Variants in POM121 observed in about 807,000 individuals in gnomAD.
POM121 encodes POM121 transmembrane nucleoporin, also known as nuclear envelope pore membrane protein POM 121.
In POM121, 32 loss-of-function variants were observed where a neutral mutation model predicts 81.3. The ratio of observed to expected loss-of-function variants is 0.39; its 90% CI spans 0.30 to 0.53. The LOEUF is 0.53. Among genes scored for constraint, POM121 ranks in the 20% least tolerant of loss-of-function variants. The pLI, the probability that POM121 is intolerant of heterozygous loss-of-function variation, is 0.66. For missense variants in POM121, 1,138 were observed against 1,614.6 expected, an observed-to-expected ratio of 0.70 and a Z score of 5.06; for synonymous variants, 514 against 694.2, an observed-to-expected ratio of 0.74 and a Z score of 4.08.
At position 72,948,297 on chromosome 7, in the gene POM121, G is replaced by T. The variant is rs782262541; in HGVS notation, c.*2063G>T. Reference sequence around the variant, plus strand: ...TAAGAATAAAAAACTGTGATCTATCGTAGAGTACGTTCTGCATTTTATTTC... The same window carrying T: ...TAAGAATAAAAAACTGTGATCTATCTTAGAGTACGTTCTGCATTTTATTTC... On this transcript the variant is annotated 3_prime_UTR_variant, in exon 13 of 13. Coordinates refer to ENST00000434423, the MANE Select transcript of POM121 (RefSeq NM_001387691.1). The T allele has an allele frequency of 1.3e-6, 2 of 1,576,732 alleles. No homozygotes were observed. Among genetic ancestry groups the T allele is most frequent in the African/African-American group, 2.8e-5 (2 of 72,604 alleles).
At chr7:72,881,566 C>T (rs1321608565) in intron 1 of POM121, among the ~76,000 whole-genome samples, 1 of 151,422 alleles carries the variant, frequency 6.6e-6, no homozygotes, top group Admixed American at 6.6e-5. Context: ...AGTTTTCCTG[C>T]TTGTGTATAT....
chr7:72,943,952 A>G lies in POM121; in HGVS notation c.3529+430A>G, dbSNP rs1797400865. ...CTACTCAGGAGGCTGAGGCACAAGA[A>G]TGGTTTGAACCCAGGAGTTGGAGGT... On this transcript the variant is annotated intron_variant, in intron 11 of 12. Transcript: ENST00000434423. Among the ~76,000 whole-genome samples, 3 of 152,122 alleles carry G rather than the reference A, an allele frequency of 2.0e-5. No homozygotes were observed. The South Asian group carries it at 6.2e-4, about 32-fold the overall frequency.
intron 5 of POM121, among the ~76,000 whole-genome samples, chr7:72,933,031 G>A (rs1796171229): frequency 6.7e-6 from 1 of 149,942 alleles, no homozygotes; most frequent in African/African-American, 2.5e-5. Context: ...CAGCCTGGGC[G>A]ACAGAGTGAG....
intron 5 of POM121, among the ~76,000 whole-genome samples, chr7:72,937,568 C>T (rs1796632954): frequency 6.6e-6 from 1 of 152,144 alleles, no homozygotes; most frequent in South Asian, 2.1e-4. Context: ...TCTGAAGCTT[C>T]CTCTTTTCCC....
At chr7:72,886,401 T>A (rs1790723076) in intron 1 of POM121, among the ~76,000 whole-genome samples, 1 of 152,170 alleles carries the variant, frequency 6.6e-6, no homozygotes, top group Non-Finnish European at 1.5e-5. Flanking sequence ...CTCGAACTCC[T>A]GACCTCAGGT....
At chr7:72,912,038 C>A (rs1319955109) in intron 3 of POM121, among the ~76,000 whole-genome samples, 3 of 152,178 alleles carry the variant, frequency 2.0e-5, no homozygotes, top group Non-Finnish European at 4.4e-5. Context: ...ACTACAGGTT[C>A]ACGCTACCAT....
At chr7:72,923,173 A>G (rs751922010), upstream of POM121, among the ~76,000 whole-genome samples, 1 of 147,548 alleles carries the variant, frequency 6.8e-6, no homozygotes, top group Non-Finnish European at 1.5e-5. Context: ...TATTAAATAG[A>G]AGCAGAATTG....
At chr7:72,911,027 G>A (rs182892012) in intron 3 of POM121, among the ~76,000 whole-genome samples, 4 of 152,220 alleles carry the variant, frequency 2.6e-5, no homozygotes, top group South Asian at 4.1e-4. Context: ...GGCTATGTCC[G>A]CCAGGTTGGA....
intron 3 of POM121, among the ~76,000 whole-genome samples, chr7:72,901,895 C>G (rs1323366801): frequency 2.6e-5 from 4 of 151,732 alleles, no homozygotes; most frequent in African/African-American, 9.7e-5. Context: ...AGCAGATCAC[C>G]TGAGGTCAGG....
At chr7:72,929,841 C>G (rs531713453) in intron 4 of POM121, 99 bp from the exon 5 acceptor site, 6 of 1,428,166 alleles carry the variant, frequency 4.2e-6, no homozygotes, top group Admixed American at 5.4e-5. Context: ...GCATTATTCT[C>G]TTCCCTTCAT....
intron 1 of POM121, among the ~76,000 whole-genome samples, chr7:72,884,087 T>G (rs9768038): frequency 3.9e-5 from 6 of 152,226 alleles, no homozygotes; most frequent in East Asian, 1.9e-4. Flanking sequence ...TTAATTTTTA[T>G]TAGAGACAGG....
intron 5 of POM121, among the ~76,000 whole-genome samples, chr7:72,931,295 C>A (rs1187347547): frequency 6.6e-6 from 1 of 151,954 alleles, no homozygotes; most frequent in Non-Finnish European, 1.5e-5. Context: ...TGCTTTTTGC[C>A]CACCTTCCCA....
chr7:72,930,028 A>G lies in POM121; in HGVS notation c.1192A>G (p.Thr398Ala). 6.2e-7 allele frequency: 1 copy of G among 1,614,014 alleles called. No homozygotes were observed. Among genetic ancestry groups the G allele is most frequent in the East Asian group, 2.2e-5 (1 of 44,888 alleles). ...CCGAAGCTCTTCCATGAGCTCCTTG[A>G]CAGGCGCTTACGCAAGTGGCATCCC... ...RSRSSSMSSL[T>A]GAYASGIPSS... The change falls in exon 5 of 13, where the codon ACA becomes GCA. Residue 398 changes from threonine to alanine, a missense_variant. Around this residue, in one of 7 missense-constraint regions of POM121, gnomAD observed 646 missense variants for 633.5 expected, o/e 1.02. Transcript: ENST00000434423.
intron 3 of POM121, among the ~76,000 whole-genome samples, chr7:72,898,883 C>T (rs1417928939): frequency 6.8e-6 from 1 of 148,020 alleles, no homozygotes; most frequent in Non-Finnish European, 1.5e-5. Flanking sequence ...CCTGGGAAGG[C>T]GTTGTATAGT....
At position 72,946,380 on chromosome 7, in the gene POM121, C is replaced by T. The variant is rs1586197775; in HGVS notation, c.*146C>T. The stretch of plus-strand genomic sequence containing the variant: ...CAGCCGCCAGGGGGCAGTGGCAGCC[C>T]TGGGGCCCTTTCCCTTCTGGAGGAA... On this transcript the variant is annotated 3_prime_UTR_variant, in exon 13 of 13. Transcript: ENST00000434423. 1 of 1,438,698 alleles carries T rather than the reference C, an allele frequency of 7.0e-7. No individual in the cohort carries two copies. The allele number at this position is 1,438,698 out of a possible 1,614,324, so 89.1% of individuals were successfully genotyped here.
intron 3 of POM121, among the ~76,000 whole-genome samples, chr7:72,906,588 C>G (rs1401530118): frequency 6.6e-6 from 1 of 152,222 alleles, no homozygotes; most frequent in African/African-American, 2.4e-5. Context: ...GATCTCTACA[C>G]TACAGCTTCC....
At chr7:72,949,989 A>C, downstream of POM121, 1 of 1,580,662 alleles carries the variant, frequency 6.3e-7, no homozygotes, top group Middle Eastern at 1.7e-4. Context: ...GGGGCCGGGT[A>C]AACAGAGACC....
chr7:72,910,585 G>A (rs1793709624), intron 3 of POM121, among the ~76,000 whole-genome samples: 1 of 151,848 alleles, frequency 6.6e-6, no homozygotes, highest in Non-Finnish European at 1.5e-5. Context: ...GGTGGAGAGG[G>A]GAGAGATGCC....
At chr7:72,929,807 G>A (rs111253737) in intron 4 of POM121, 133 bp from the exon 5 acceptor site, 1 of 1,333,814 alleles carries the variant, frequency 7.5e-7, no homozygotes, top group African/African-American at 1.5e-5. Context: ...GATTTGGCCA[G>A]ATTGTTAGCA....
Sources: gnomAD v4.1 joint callset for allele counts (sites outside exome capture counted in the v4.1 genomes callset) on GRCh38, gnomAD v4.1.1 for gene constraint, gnomAD v4.1.1 regional missense constraint, MANE v1.5 for transcripts, NCBI Gene and HGNC (gene_info 2026-07-23, HGNC 2026-07-21) for gene names.